Variants in TTYH1 observed in about 807,000 individuals in gnomAD.
TTYH1 encodes the protein protein tweety homolog 1.
TTYH1 carries 33 observed loss-of-function variants against 61.2 expected under a neutral mutation model. The ratio of observed to expected loss-of-function variants is 0.54; its 90% CI spans 0.41 to 0.72. The LOEUF (loss-of-function observed/expected upper bound fraction) is 0.72, where lower values mean the gene tolerates loss of function less well. TTYH1 is among the 30% of genes least tolerant of loss of function. The probability of loss-of-function intolerance (pLI) is 0.00; values close to 1 mark genes in which losing one functional copy is unlikely to be tolerated. For synonymous variants in TTYH1, 308 were observed against 266.4 expected (o/e 1.16, Z -1.52); for missense variants, 538 against 575.8 (o/e 0.93, Z 0.67).
In TTYH1 at chr19:54,435,602, C is replaced by T; in HGVS notation, c.1186C>T (p.Leu396=). 5.0e-6 allele frequency: 8 copies of T among 1,611,792 alleles called. No homozygotes were observed. The highest frequency in any genetic ancestry group is 6.8e-6 in the Non-Finnish European group (8 of 1,179,682). The change falls in exon 11 of 14, where the codon CTA becomes TTA. Residue 396 remains leucine, a synonymous_variant. Transcript: ENST00000376530. ...EDALEGLLFL[L]LFSLLSAGAL... is the part of the protein sequence containing the mutation. The stretch of plus-strand genomic sequence containing the variant: ...CGCCCTGGAAGGCCTGCTCTTCCTG[C>T]TACTCTTCTCCCTGCTGTCTGCAGG...
chr19:54,417,293 ACACT>A (rs1344580385), intron 1 of TTYH1, among the ~76,000 whole-genome samples: 3 of 149,290 alleles, frequency 2.0e-5, no homozygotes, highest in Non-Finnish European at 3.0e-5. Flanking sequence ...CTCCCATTAC[ACACT>A]CACATGCACA....
At position 54,426,886 on chromosome 19, in the gene TTYH1, G is replaced by A. The variant is rs75828081; in HGVS notation, c.734+118G>A. On this transcript the variant is annotated intron_variant, in intron 5 of 13. Transcript: ENST00000376530. ...TGGTCCTTCACGGCCGGGTACACAC[G>A]AAGAAAAGAGAGTCAGAGCAGCCCA... is the stretch of plus-strand genomic sequence containing the variant. 3.2e-3 allele frequency: 2,803 copies of A among 866,468 alleles called. 33 individuals are homozygous for A. In the African/African-American group the frequency reaches 0.035, roughly 11 times the overall value. The allele number at this position is 866,468 out of a possible 1,614,324, so 53.7% of individuals were successfully genotyped here. A position where few individuals can be genotyped will look rare whatever the true frequency, so the allele number is the denominator to read the frequency against.
rs67487345 is a variant in TTYH1, at chr19:54,427,621, A to AACAAC, written c.734+854_734+855insCAACA. Among the ~76,000 whole-genome samples the AACAAC allele has an allele frequency of 6.7e-3, 725 of 108,372 alleles. 5 individuals carry two copies. The highest frequency in any genetic ancestry group is 0.016 in the Middle Eastern group (3 of 184). 71.1% of individuals were successfully genotyped at this position (108,372 alleles called of 152,430 possible). A position where few individuals can be genotyped will look rare whatever the true frequency, so the allele number is the denominator to read the frequency against. On this transcript the variant is annotated intron_variant, in intron 5 of 13. Coordinates refer to ENST00000376530, the MANE Select transcript of TTYH1 (RefSeq NM_020659.4). ...TCCATTTCAAAAACAACAACAACAA[A>AACAAC]AAAAAAAAACAGATGAGGATGATGA...
intron 5 of TTYH1, among the ~76,000 whole-genome samples, chr19:54,428,882 CG>C (rs919146231): frequency 4.6e-5 from 7 of 152,272 alleles, no homozygotes; most frequent in South Asian, 2.1e-4. Flanking sequence ...CCTCCCCACC[CG>C]GAAAGTCCAG....
chr19:54,419,198 T>A lies in TTYH1; in HGVS notation c.197T>A (p.Leu66His). ...GLSLIFIAVY[L>H]IRFCCCRPPE... ...AGCCTCATTTTCATCGCTGTCTACC[T>A]CATCCGCTTCTGCTGCTGCCGGCCC... is the stretch of plus-strand genomic sequence containing the variant. The change falls in exon 2 of 14, where the codon CTC (leucine) becomes CAC (histidine). Residue 66 changes from leucine (L) to histidine (H), a missense_variant. By Grantham distance (99) the Leu-to-His change is moderately conservative. This residue lies in a region of TTYH1 where 157 missense variants were observed against 157.0 expected (regional missense o/e 1.00). Coordinates refer to ENST00000376530, the MANE Select transcript of TTYH1 (RefSeq NM_020659.4). The surrounding 1 kb of genome is among the most constrained non-coding windows in gnomAD (Gnocchi z 6.1). The A allele has an allele frequency of 4.3e-6, 7 of 1,612,562 alleles. No homozygotes were observed. Among genetic ancestry groups the A allele is most frequent in the Non-Finnish European group, 5.9e-6 (7 of 1,179,972 alleles).
At position 54,422,257 on chromosome 19, in the gene TTYH1, T is replaced by C; in HGVS notation, c.485T>C (p.Leu162Pro). 6.4e-7 allele frequency: 1 copy of C among 1,565,498 alleles called. No individual in the cohort carries two copies. Among genetic ancestry groups the C allele is most frequent in the Non-Finnish European group, 8.7e-7 (1 of 1,155,426 alleles). The change falls in exon 4 of 14, where the codon CTC becomes CCC. Residue 162 changes from leucine to proline, a missense_variant. Physicochemically the swap from Leu to Pro is moderately conservative, Grantham distance 98. Transcript: ENST00000376530. ...RTELTTLEEV[L>P]EPRTELVAAA... The stretch of plus-strand genomic sequence containing the variant: ...GAGCTGACCACCCTGGAGGAGGTGC[T>C]CGAGCCGCGCACGGAGCTGGTGGCT...
chr19:54,435,763 G>T, intron 11 of TTYH1, 65 bp from the exon 12 acceptor site: 1 of 1,611,988 alleles, frequency 6.2e-7, no homozygotes, highest in East Asian at 2.2e-5. Flanking sequence ...CAGTGGGGGT[G>T]GGGGGTGCAG....
chr19:54,427,718 T>C (rs549513025), intron 5 of TTYH1, among the ~76,000 whole-genome samples: 3 of 152,114 alleles, frequency 2.0e-5, no homozygotes, highest in African/African-American at 7.2e-5. Flanking sequence ...TAAGGCTCCA[T>C]GTGGCCGGTC....
chr19:54,430,454 C>T, intron 7 of TTYH1, 96 bp from the exon 8 acceptor site: 1 of 1,395,730 alleles, frequency 7.2e-7, no homozygotes, highest in South Asian at 1.2e-5. Context: ...GGCTGAGGCC[C>T]CTAACCCTGC....
Position 54,422,318 on chromosome 19 carries a change from G to T in TTYH1, c.546G>T (p.Ala182=). ...ARGARRQAEA[A]AQQLQGLAFW... The stretch of plus-strand genomic sequence containing the variant: ...GGGCTCGACGGCAGGCGGAGGCTGC[G>T]GCCCAGCAGCTGCAGGGGCTGGCCT... Residue 182 remains alanine, a synonymous_variant, in exon 4 of 14, where the codon GCG becomes GCT. Coordinates refer to ENST00000376530, the MANE Select transcript of TTYH1 (RefSeq NM_020659.4). 1.3e-6 allele frequency: 2 copies of T among 1,565,592 alleles called. No individual in the cohort carries two copies. Among genetic ancestry groups the T allele is most frequent in the Non-Finnish European group, 1.7e-6 (2 of 1,156,402 alleles).
At position 54,436,048 on chromosome 19, in the gene TTYH1, C is replaced by T; in HGVS notation, c.1315-43C>T. 1.9e-6 allele frequency: 3 copies of T among 1,604,888 alleles called. No homozygotes were observed. The highest frequency in any genetic ancestry group is 1.7e-6 in the Non-Finnish European group (2 of 1,172,260). ...TCCCACAGTACAAAGCCAATTCCCACTCCATTCCCTCCTCTCCCCCGCTAC... is the reference window on the plus strand; with the variant it reads ...TCCCACAGTACAAAGCCAATTCCCATTCCATTCCCTCCTCTCCCCCGCTAC... On this transcript the variant is annotated intron_variant, in intron 12 of 13. Coordinates refer to ENST00000376530, the MANE Select transcript of TTYH1 (RefSeq NM_020659.4). The surrounding 1 kb of genome is among the most constrained non-coding windows in gnomAD (Gnocchi z 4.3).
chr19:54,427,502 GC>G (rs1381109191), intron 5 of TTYH1, among the ~76,000 whole-genome samples: 5 of 151,578 alleles, frequency 3.3e-5, no homozygotes, highest in African/African-American at 1.2e-4. Flanking sequence ...TACTCGGGAG[GC>G]TGAGGCAGGA....
intron 9 of TTYH1, 26 bp downstream of exon 9, chr19:54,430,931 A>T: frequency 6.2e-7 from 1 of 1,603,032 alleles, no homozygotes; most frequent in African/African-American, 1.3e-5. Flanking sequence ...CTCCCCAGAC[A>T]CGCGGACCCC....
chr19:54,417,274 A>G (rs539236278), intron 1 of TTYH1, among the ~76,000 whole-genome samples: 5 of 149,024 alleles, frequency 3.4e-5, no homozygotes, highest in Non-Finnish European at 5.9e-5. Context: ...ACTCAGACAC[A>G]CCCACTTACT....
In TTYH1 at chr19:54,415,920, C is replaced by T. The variant is rs2083067689; in HGVS notation, c.126+242C>T. On this transcript the variant is annotated intron_variant, in intron 1 of 13. Coordinates refer to ENST00000376530, the MANE Select transcript of TTYH1 (RefSeq NM_020659.4). This position sits in a 1 kb window ranked among gnomAD's most constrained non-coding sequence, Gnocchi z 5.2. ...AATAAGGGAAGGCTGGGGACCTGCA[C>T]CCCTGAGTTCATGGAGAGGAGGGGA... 1.6e-5 allele frequency: 14 copies of T among 850,362 alleles called. No homozygotes were observed. Among genetic ancestry groups the T allele is most frequent in the East Asian group, 3.4e-5 (1 of 29,754 alleles). 52.7% of individuals were successfully genotyped at this position (850,362 alleles called of 1,614,324 possible).
chr19:54,433,683 G>A (rs1046045833), intron 10 of TTYH1: 2 of 151,070 alleles, frequency 1.3e-5, no homozygotes, highest in African/African-American at 4.9e-5. Flanking sequence ...AGACCAGCCT[G>A]GCCAACATGG....
In TTYH1 at chr19:54,435,892, TGAGG is replaced by T; in HGVS notation, c.1314+24_1314+27del. Reference sequence around the variant, plus strand: ...CCCTCAGGTACTGGATGCCTGGGTCTGAGGGAGGAGGGGCGGGGGGTCCTGAACT... The same window carrying T: ...CCCTCAGGTACTGGATGCCTGGGTCTGAGGAGGGGCGGGGGGTCCTGAACT... On this transcript the variant is annotated intron_variant, in intron 12 of 13. Coordinates refer to ENST00000376530, the MANE Select transcript of TTYH1 (RefSeq NM_020659.4). 1 of 1,612,078 alleles carries T rather than the reference TGAGG, an allele frequency of 6.2e-7. No individual in the cohort carries two copies. Among genetic ancestry groups the T allele is most frequent in the South Asian group, 1.1e-5 (1 of 90,478 alleles).
Position 54,415,851 on chromosome 19 carries a change from T to A in TTYH1, c.126+173T>A. On this transcript the variant is annotated intron_variant, in intron 1 of 13. Transcript: ENST00000376530. This position sits in a 1 kb window ranked among gnomAD's most constrained non-coding sequence, Gnocchi z 5.2. ...GCCTGGGGGCGCCCATGCCTGGAGG[T>A]TCTCCTGGGACGCGCGCTGGGGGTC... 1.2e-6 allele frequency: 1 copy of A among 849,804 alleles called. No individual in the cohort carries two copies. The highest frequency in any genetic ancestry group is 1.7e-6 in the Non-Finnish European group (1 of 573,630). 52.6% of individuals were successfully genotyped at this position (849,804 alleles called of 1,614,324 possible).
intron 3 of TTYH1, among the ~76,000 whole-genome samples, 158 bp from the exon 4 acceptor site, chr19:54,422,032 C>T (rs75636290): frequency 0.053 from 8,042 of 152,198 alleles, 226 homozygotes; most frequent in Non-Finnish European, 0.059. Flanking sequence ...TGAAGCCCCT[C>T]CCCAATCCCT....
Sources: allele counts gnomAD v4.1 joint callset (sites outside exome capture counted in the v4.1 genomes callset), GRCh38; gene constraint gnomAD v4.1.1; regional missense constraint gnomAD v4.1.1; non-coding constraint Gnocchi (gnomAD v3.1); transcripts MANE v1.5; gene names NCBI Gene and HGNC (gene_info 2026-07-23, HGNC 2026-07-21).